The following SLC24A3 variants were observed in gnomAD, a reference collection of about 807,000 sequenced individuals.
SLC24A3 encodes the protein sodium/potassium/calcium exchanger 3.
In SLC24A3, 28 loss-of-function variants were observed where a neutral mutation model predicts 75.8. The ratio of observed to expected loss-of-function variants is 0.37; its 90% CI spans 0.27 to 0.51. The LOEUF (loss-of-function observed/expected upper bound fraction) is 0.51. Among genes scored for constraint, SLC24A3 ranks in the 20% least tolerant of loss-of-function variants. The pLI, the probability that SLC24A3 is intolerant of heterozygous loss-of-function variation, is 0.94. For missense variants in SLC24A3, 663 were observed against 847.8 expected (o/e 0.78, Z 2.71); for synonymous variants, 372 against 334.1 (o/e 1.11, Z -1.24).
intron 2 of SLC24A3, among the ~76,000 whole-genome samples, chr20:19,504,907 A>G (rs1265498870): frequency 1.3e-5 from 2 of 152,224 alleles, no homozygotes; most frequent in Admixed American, 1.3e-4. Flanking sequence ...ATCTGCTGCC[A>G]TGTTTGTGGC....
intron 12 of SLC24A3, among the ~76,000 whole-genome samples, chr20:19,689,472 A>G (rs947251575): frequency 2.6e-5 from 4 of 152,160 alleles, no homozygotes; most frequent in Non-Finnish European, 5.9e-5. Flanking sequence ...AAATCAGGTA[A>G]TCACCAACAC....
In SLC24A3 at chr20:19,510,546, C is replaced by A. The variant is rs905950386; in HGVS notation, c.272-4942C>A. Among the ~76,000 whole-genome samples the A allele has an allele frequency of 3.3e-5, 5 of 152,312 alleles. No homozygotes were observed. The East Asian group carries it at 9.6e-4, about 29-fold the overall frequency. ...CACTTCCCAGATTCATATGTTGAAG[C>A]CCTAACCCCCAAAATGATGGTATTT... is the stretch of plus-strand genomic sequence containing the variant. On this transcript the variant is annotated intron_variant, in intron 2 of 16. Coordinates refer to ENST00000328041, the MANE Select transcript of SLC24A3 (RefSeq NM_020689.4).
chr20:19,527,000 T>A (rs2030210053), intron 3 of SLC24A3, among the ~76,000 whole-genome samples: 1 of 152,146 alleles, frequency 6.6e-6, no homozygotes, highest in Non-Finnish European at 1.5e-5. Flanking sequence ...TCTCTTCTCA[T>A]AAACCCCATG....
chr20:19,376,029 T>G (rs1187314469), intron 2 of SLC24A3, among the ~76,000 whole-genome samples: 1 of 152,158 alleles, frequency 6.6e-6, no homozygotes, highest in East Asian at 1.9e-4. Context: ...GCTTTGTTCT[T>G]TGAAACTACT....
At position 19,672,331 on chromosome 20, in the gene SLC24A3, A is replaced by C. The variant is rs77213068; in HGVS notation, c.714-1270A>C. On this transcript the variant is annotated intron_variant, in intron 8 of 16. Transcript: ENST00000328041. ...GAATAAATACCTACATCTTTGCATA[A>C]TTTGTTTTGGAAGGGAGATGGAAGA... 7.1e-3 allele frequency among the ~76,000 whole-genome samples: 1,073 copies of C among 152,116 alleles called. 17 individuals are homozygous for C. The highest frequency in any genetic ancestry group is 0.025 in the African/African-American group (1,019 of 41,492).
At chr20:19,524,776 A>G (rs1010620637) in intron 3 of SLC24A3, among the ~76,000 whole-genome samples, 4 of 152,224 alleles carry the variant, frequency 2.6e-5, no homozygotes, top group African/African-American at 9.7e-5. Context: ...CATGTTGACT[A>G]TATCTACAAT....
intron 2 of SLC24A3, among the ~76,000 whole-genome samples, chr20:19,303,008 T>C (rs1984231981): frequency 6.6e-6 from 1 of 151,964 alleles, no homozygotes; most frequent in Non-Finnish European, 1.5e-5. Context: ...CCTTTGTTTT[T>C]TTTTTTAACT....
chr20:19,441,239 C>T (rs1015442293), intron 2 of SLC24A3, among the ~76,000 whole-genome samples: 1 of 152,148 alleles, frequency 6.6e-6, no homozygotes, highest in East Asian at 1.9e-4. Flanking sequence ...ACCTTGGTTA[C>T]GTTATCTCAT....
At chr20:19,571,310 CT>C (rs1465844308) in intron 3 of SLC24A3, among the ~76,000 whole-genome samples, 1 of 152,142 alleles carries the variant, frequency 6.6e-6, no homozygotes, top group Non-Finnish European at 1.5e-5. Context: ...TTCCCAGAGC[CT>C]TCATTCAGAG....
At chr20:19,325,373 G>A (rs1984815164) in intron 2 of SLC24A3, among the ~76,000 whole-genome samples, 2 of 151,870 alleles carry the variant, frequency 1.3e-5, no homozygotes, top group Admixed American at 6.6e-5. Flanking sequence ...TTGAGCCCAG[G>A]AGTTCAAGGC....
At chr20:19,428,791 T>G (rs16980534) in intron 2 of SLC24A3, among the ~76,000 whole-genome samples, 5,230 of 152,300 alleles carry the variant, frequency 0.034, 305 homozygotes, top group African/African-American at 0.12. Context: ...TCTCTAAAAT[T>G]GTAGCTATTT....
chr20:19,458,296 T>C (rs1600237658), intron 2 of SLC24A3, among the ~76,000 whole-genome samples: 1 of 152,214 alleles, frequency 6.6e-6, no homozygotes, highest in South Asian at 2.1e-4. Context: ...CCCTTAAGGG[T>C]AGGTATATAA....
chr20:19,642,798 G>T (rs1245601813), intron 6 of SLC24A3, among the ~76,000 whole-genome samples: 2 of 152,180 alleles, frequency 1.3e-5, no homozygotes, highest in African/African-American at 4.8e-5. Context: ...TTGTTGGCTG[G>T]TTGACTTATT....
intron 2 of SLC24A3, among the ~76,000 whole-genome samples, chr20:19,313,300 G>A (rs1330194323): frequency 2.0e-5 from 3 of 152,154 alleles, no homozygotes; most frequent in Admixed American, 2.0e-4. Context: ...CTCCCAAAGT[G>A]CTGGGATTAC....
intron 6 of SLC24A3, among the ~76,000 whole-genome samples, chr20:19,594,209 C>T (rs1224914200): frequency 6.6e-6 from 1 of 151,994 alleles, no homozygotes; most frequent in Non-Finnish European, 1.5e-5. Context: ...TCTGTTCCTT[C>T]GACTGGTGTC....
chr20:19,394,191 T>C (rs556359792), intron 2 of SLC24A3, among the ~76,000 whole-genome samples: 3 of 152,272 alleles, frequency 2.0e-5, no homozygotes, highest in East Asian at 1.9e-4. Flanking sequence ...CCTTACACCA[T>C]AGACAAAAAT....
In SLC24A3 at chr20:19,685,376, G is replaced by A. The variant is rs371594012; in HGVS notation, c.1324+15G>A. On this transcript the variant is annotated intron_variant, in intron 12 of 16. Coordinates refer to ENST00000328041, the MANE Select transcript of SLC24A3 (RefSeq NM_020689.4). ...CGACACCCCCTGTAAGAGGTTCTAT[G>A]TCTGGGCTGGGGTTGGGAGCTATTT... 28 of 1,610,684 alleles carry A rather than the reference G, an allele frequency of 1.7e-5. No homozygotes were observed. The highest frequency in any genetic ancestry group is 1.5e-4 in the South Asian group (14 of 90,852).
At chr20:19,389,936 G>T (rs1005850772) in intron 2 of SLC24A3, among the ~76,000 whole-genome samples, 1 of 152,082 alleles carries the variant, frequency 6.6e-6, no homozygotes, top group Non-Finnish European at 1.5e-5. Flanking sequence ...TGTTGTTGTT[G>T]TTCTGACTGG....
At chr20:19,553,762 G>A (rs1021823755) in intron 3 of SLC24A3, among the ~76,000 whole-genome samples, 3 of 152,166 alleles carry the variant, frequency 2.0e-5, no homozygotes, top group African/African-American at 7.2e-5. Flanking sequence ...GCATTGGAGT[G>A]TACAGGTGTG....
Sources: allele counts gnomAD v4.1 joint callset (sites outside exome capture counted in the v4.1 genomes callset), GRCh38; gene constraint gnomAD v4.1.1; transcripts MANE v1.5; gene names NCBI Gene and HGNC (gene_info 2026-07-23, HGNC 2026-07-21).